The following DPP10 variants were observed in gnomAD, a reference collection of about 807,000 sequenced individuals.
DPP10 encodes dipeptidyl peptidase like 10.
Under a neutral mutation model 120.9 loss-of-function variants are expected in DPP10, and 33 were observed. The observed-to-expected ratio is 0.27, with a 90% CI of 0.21 to 0.37. The LOEUF is 0.37. DPP10 is among the 10% of genes least tolerant of loss of function. The pLI is 1.00. For synonymous variants in DPP10, 337 were observed against 326.1 expected (o/e 1.03, Z -0.36); for missense variants, 816 against 942.8 (o/e 0.87, Z 1.76).
chr2:115,840,926 T>G, intron 25 of DPP10, 103 bp downstream of exon 25: 1 of 907,580 alleles, frequency 1.1e-6, no homozygotes, highest in Non-Finnish European at 1.6e-6. Context: ...ACTATTATTT[T>G]TTAATATGTT....
At chr2:114,847,084 T>TA (rs1339741872) in intron 1 of DPP10, among the ~76,000 whole-genome samples, 1 of 152,130 alleles carries the variant, frequency 6.6e-6, no homozygotes, top group African/African-American at 2.4e-5. Context: ...TATCATATCC[T>TA]TGAAACCTGG....
At chr2:114,895,737 A>G (rs1692909412) in intron 1 of DPP10, among the ~76,000 whole-genome samples, 1 of 152,232 alleles carries the variant, frequency 6.6e-6, no homozygotes, top group South Asian at 2.1e-4. Context: ...CTGACAGAGT[A>G]ACGAAAAAGT....
chr2:114,452,221 G>A (rs1205818509), intron 1 of DPP10, among the ~76,000 whole-genome samples: 1 of 152,080 alleles, frequency 6.6e-6, no homozygotes, highest in East Asian at 1.9e-4. Flanking sequence ...ATAGCATTGT[G>A]TATAATCTCG....
At chr2:114,833,693 A>G (rs1294027850) in intron 1 of DPP10, 1 of 152,196 alleles carries the variant, frequency 6.6e-6, no homozygotes, top group African/African-American at 2.4e-5. Flanking sequence ...ACATCAGCCA[A>G]TGTGACCACT....
At chr2:114,704,340 G>T (rs763188883) in intron 1 of DPP10, among the ~76,000 whole-genome samples, 6 of 152,132 alleles carry the variant, frequency 3.9e-5, no homozygotes, top group Non-Finnish European at 7.4e-5. Flanking sequence ...AGTAAGGAGA[G>T]GGATTGAACA....
At chr2:114,575,697 T>A (rs76627998) in intron 1 of DPP10, among the ~76,000 whole-genome samples, 3,749 of 152,326 alleles carry the variant, frequency 0.025, 147 homozygotes, top group African/African-American at 0.086. Flanking sequence ...CTCCTTTGGT[T>A]ATTTTATTTG....
chr2:115,260,907 C>G (rs758042541), intron 1 of DPP10, among the ~76,000 whole-genome samples: 1 of 152,080 alleles, frequency 6.6e-6, no homozygotes, highest in South Asian at 2.1e-4. Flanking sequence ...GGAGTTGGGG[C>G]GTGCTGTAGA....
intron 5 of DPP10, among the ~76,000 whole-genome samples, chr2:115,562,014 C>T (rs2080716927): frequency 6.6e-6 from 1 of 152,114 alleles, no homozygotes; most frequent in African/African-American, 2.4e-5. Context: ...ACCCTGGTAG[C>T]CTTTTATAGG....
At chr2:115,825,919 G>T (rs1401831292) in intron 21 of DPP10, among the ~76,000 whole-genome samples, 1 of 152,194 alleles carries the variant, frequency 6.6e-6, no homozygotes, top group Non-Finnish European at 1.5e-5. Context: ...TGGTTTTATA[G>T]ATAGAAAAGA....
chr2:115,618,577 A>G (rs778687019), intron 5 of DPP10, among the ~76,000 whole-genome samples: 5 of 152,184 alleles, frequency 3.3e-5, no homozygotes, highest in Non-Finnish European at 5.9e-5. Context: ...CTTACTAGGT[A>G]CTGTAGGCTT....
chr2:114,863,008 G>C (rs1574366656), intron 1 of DPP10, among the ~76,000 whole-genome samples: 1 of 152,026 alleles, frequency 6.6e-6, no homozygotes, highest in East Asian at 1.9e-4. Context: ...TGACTCTGTG[G>C]TAGAATTCGC....
chr2:114,702,253 G>T (rs996815329), intron 1 of DPP10, among the ~76,000 whole-genome samples: 4 of 152,206 alleles, frequency 2.6e-5, no homozygotes, highest in Non-Finnish European at 5.9e-5. Context: ...AACCAGGGGG[G>T]CATGGTCAGA....
chr2:114,511,847 A>G (rs1299111120), intron 1 of DPP10, among the ~76,000 whole-genome samples: 3 of 152,158 alleles, frequency 2.0e-5, no homozygotes, highest in African/African-American at 7.2e-5. Flanking sequence ...CCCAGAACAG[A>G]ACACTTCCTC....
chr2:114,638,291 G>A (rs189879455), intron 1 of DPP10, among the ~76,000 whole-genome samples: 15 of 151,702 alleles, frequency 9.9e-5, no homozygotes, highest in Admixed American at 5.2e-4. Flanking sequence ...AACATTATTC[G>A]TCTAAAGAAA....
intron 1 of DPP10, among the ~76,000 whole-genome samples, chr2:115,021,163 A>G (rs762931676): frequency 1.5e-5 from 2 of 129,148 alleles, no homozygotes; most frequent in Non-Finnish European, 3.5e-5. Flanking sequence ...AAGAAATAAC[A>G]AAGATTGGAG....
intron 3 of DPP10, among the ~76,000 whole-genome samples, chr2:115,427,157 G>T (rs925317604): frequency 2.6e-5 from 4 of 152,070 alleles, no homozygotes; most frequent in Non-Finnish European, 5.9e-5. Flanking sequence ...GGGCAGCTCT[G>T]CTCCTGTGTC....
chr2:115,336,021 A>G (rs919941668), intron 2 of DPP10, among the ~76,000 whole-genome samples: 1 of 152,112 alleles, frequency 6.6e-6, no homozygotes, highest in Non-Finnish European at 1.5e-5. Flanking sequence ...AAATTAAGGA[A>G]ATATTTCTAA....
intron 1 of DPP10, among the ~76,000 whole-genome samples, chr2:114,559,824 T>G (rs1032869035): frequency 2.7e-5 from 4 of 148,650 alleles, no homozygotes; most frequent in Non-Finnish European, 4.4e-5. Context: ...CTCTCCCAAT[T>G]TGGTAAAGAA....
intron 7 of DPP10, among the ~76,000 whole-genome samples, chr2:115,720,417 T>C (rs2092617471): frequency 6.6e-6 from 1 of 152,168 alleles, no homozygotes; most frequent in Admixed American, 6.6e-5. Context: ...GAGGAAACTT[T>C]TCTTCAATAT....
Sources: gnomAD v4.1 joint callset for allele counts (sites outside exome capture counted in the v4.1 genomes callset) on GRCh38, gnomAD v4.1.1 for gene constraint, MANE v1.5 for transcripts, NCBI Gene and HGNC (gene_info 2026-07-23, HGNC 2026-07-21) for gene names.